The following GLIS3 variants were observed in gnomAD, a reference collection of about 807,000 sequenced individuals.
GLIS3 encodes the protein GLIS family zinc finger 3.
In GLIS3, 53 loss-of-function variants were observed where a neutral mutation model predicts 78.6. The ratio of observed to expected loss-of-function variants is 0.67; its 90% CI spans 0.54 to 0.85. GLIS3 has a LOEUF of 0.85. GLIS3 is among the 40% of genes least tolerant of loss of function. The probability of loss-of-function intolerance (pLI) is 0.00; values close to 1 mark genes in which losing one functional copy is unlikely to be tolerated. For missense variants in GLIS3, 1,703 were observed against 1,231.1 expected (o/e 1.38, Z -5.74); for synonymous variants, 684 against 509.9 (o/e 1.34, Z -4.60).
At chr9:4,470,554 A>C in the GLIS3 span, among the ~76,000 whole-genome samples, 3 of 143,418 alleles carry the variant, frequency 2.1e-5, no homozygotes, top group East Asian at 5.9e-4. Flanking sequence ...AAATTCAACA[A>C]TCTTCATGCT....
chr9:4,381,245 A>G, the GLIS3 span, among the ~76,000 whole-genome samples: 8 of 152,356 alleles, frequency 5.3e-5, no homozygotes, highest in Non-Finnish European at 1.2e-4. Flanking sequence ...TTTAAAAAGT[A>G]TCTTAGAGGA....
chr9:3,831,233 C>G (rs1416318768), intron 9 of GLIS3, among the ~76,000 whole-genome samples: 1 of 152,120 alleles, frequency 6.6e-6, no homozygotes, highest in Non-Finnish European at 1.5e-5. Context: ...CCACGTCAAG[C>G]CAGAAGAAGA....
At chr9:3,862,899 G>A (rs1588110623) in intron 8 of GLIS3, among the ~76,000 whole-genome samples, 2 of 110,810 alleles carry the variant, frequency 1.8e-5, no homozygotes, top group Admixed American at 9.3e-5. Context: ...ACTAGTCTAC[G>A]ATGGATTTGG....
intron 1 of GLIS3, among the ~76,000 whole-genome samples, chr9:4,295,495 G>A (rs1378427652): frequency 1.3e-5 from 2 of 152,154 alleles, no homozygotes; most frequent in Non-Finnish European, 2.9e-5. Flanking sequence ...AGGTTGTTGT[G>A]TTGAGCGAAA....
chr9:3,921,485 C>T (rs1041173379), intron 6 of GLIS3, among the ~76,000 whole-genome samples: 6 of 152,118 alleles, frequency 3.9e-5, no homozygotes, highest in African/African-American at 1.4e-4. Flanking sequence ...TTACAAAAAA[C>T]AAGAACTACC....
At chr9:4,192,366 C>T (rs775960227) in intron 2 of GLIS3, among the ~76,000 whole-genome samples, 4 of 152,138 alleles carry the variant, frequency 2.6e-5, no homozygotes, top group East Asian at 3.9e-4. Flanking sequence ...TGACATGATG[C>T]CTCAAATAAT....
intron 2 of GLIS3, among the ~76,000 whole-genome samples, chr9:4,140,590 C>G (rs1162559749): frequency 6.6e-6 from 1 of 152,090 alleles, no homozygotes; most frequent in East Asian, 1.9e-4. Flanking sequence ...CCAGCTTCCT[C>G]CCAGAAGTCC....
intron 2 of GLIS3, among the ~76,000 whole-genome samples, chr9:4,131,025 G>C (rs1832935439): frequency 6.6e-6 from 1 of 152,220 alleles, no homozygotes; most frequent in Non-Finnish European, 1.5e-5. Flanking sequence ...GGAGTTAAAG[G>C]AGATTATTTG....
intron 2 of GLIS3, among the ~76,000 whole-genome samples, chr9:4,196,807 A>G (rs35006287): frequency 0.048 from 7,272 of 152,288 alleles, 268 homozygotes; most frequent in Middle Eastern, 0.071. Flanking sequence ...ACACACAACT[A>G]CAGTTTCTAC....
intron 2 of GLIS3, among the ~76,000 whole-genome samples, chr9:4,131,666 C>A (rs550826979): frequency 6.6e-6 from 1 of 152,300 alleles, no homozygotes; most frequent in African/African-American, 2.4e-5. Context: ...TACTGTTATG[C>A]TTCTTGTTAA....
At chr9:4,219,269 C>T (rs2131325165) in intron 2 of GLIS3, among the ~76,000 whole-genome samples, 1 of 152,334 alleles carries the variant, frequency 6.6e-6, no homozygotes, top group East Asian at 1.9e-4. Context: ...GCTAGAGACA[C>T]AAGATTTAGG....
At chr9:4,174,256 G>C (rs1462696111) in intron 2 of GLIS3, among the ~76,000 whole-genome samples, 1 of 152,112 alleles carries the variant, frequency 6.6e-6, no homozygotes, top group Non-Finnish European at 1.5e-5. Context: ...TATCAGCAAA[G>C]TAAACAGGTT....
chr9:3,878,902 G>A (rs953311212), intron 8 of GLIS3: 1 of 157,998 alleles, frequency 6.3e-6, no homozygotes, highest in Non-Finnish European at 1.4e-5. Flanking sequence ...GAAGGGCCTC[G>A]AAAGGCCTCT....
chr9:4,170,042 G>A (rs893776912), intron 2 of GLIS3, among the ~76,000 whole-genome samples: 1 of 152,272 alleles, frequency 6.6e-6, no homozygotes. Context: ...TCTGTGATAA[G>A]CAGTAAATCA....
chr9:4,187,563 T>C (rs1283507660), intron 2 of GLIS3, among the ~76,000 whole-genome samples: 4 of 152,228 alleles, frequency 2.6e-5, no homozygotes, highest in Non-Finnish European at 5.9e-5. Flanking sequence ...GGGGATGGCA[T>C]TGAATCTATA....
At chr9:4,188,240 A>G (rs1171432623) in intron 2 of GLIS3, among the ~76,000 whole-genome samples, 1 of 151,618 alleles carries the variant, frequency 6.6e-6, no homozygotes, top group Non-Finnish European at 1.5e-5. Context: ...CCTTTTCTGC[A>G]TCTATTGAGA....
At chr9:4,437,126 G>A in the GLIS3 span, among the ~76,000 whole-genome samples, 1 of 152,170 alleles carries the variant, frequency 6.6e-6, no homozygotes, top group Admixed American at 6.5e-5. Context: ...CAGTGGCAGT[G>A]TGAAGATTTT....
chr9:4,118,124 G>A lies in GLIS3; in HGVS notation c.1354C>T (p.Leu452=). Residue 452 remains leucine, a synonymous_variant, in exon 4 of 11, where the codon CTG becomes TTG. Transcript: ENST00000381971. The surrounding 1 kb of genome is among the most constrained non-coding windows in gnomAD (Gnocchi z 4.7). ...DLPPAPPLPP[L]PPPPGPPPPY... is the part of the protein sequence containing the mutation. ...GGTGGGGGGCCTGGGGGCGGCGGCAGAGGAGGGAGCGGAGGCGCGGGGGGT... is the reference window on the plus strand; with the variant it reads ...GGTGGGGGGCCTGGGGGCGGCGGCAAAGGAGGGAGCGGAGGCGCGGGGGGT... 1 of 1,552,330 alleles carries A rather than the reference G, an allele frequency of 6.4e-7. No homozygotes were observed. The highest frequency in any genetic ancestry group is 8.7e-7 in the Non-Finnish European group (1 of 1,148,508).
intron 2 of GLIS3, among the ~76,000 whole-genome samples, chr9:4,159,681 T>A (rs574169923): frequency 6.6e-6 from 1 of 150,986 alleles, no homozygotes; most frequent in Non-Finnish European, 1.5e-5. Flanking sequence ...ATCGCACCAG[T>A]GCACTCCAGC....
Sources: allele counts gnomAD v4.1 joint callset (sites outside exome capture counted in the v4.1 genomes callset), GRCh38; gene constraint gnomAD v4.1.1; non-coding constraint Gnocchi (gnomAD v3.1); transcripts MANE v1.5; gene names NCBI Gene and HGNC (gene_info 2026-07-23, HGNC 2026-07-21).